Variants in ADRA1B observed in about 807,000 individuals in gnomAD.
ADRA1B encodes the protein adrenoceptor alpha 1B.
In ADRA1B, 17 loss-of-function variants were observed where a neutral mutation model predicts 17.9. The ratio of observed to expected loss-of-function variants is 0.95; its 90% CI spans 0.65 to 1.42. The LOEUF is 1.42. ADRA1B is among the 40% of genes most tolerant of loss of function. The pLI, the probability that ADRA1B is intolerant of heterozygous loss-of-function variation, is 0.00. For synonymous variants in ADRA1B, 366 were observed against 327.6 expected, an observed-to-expected ratio of 1.12 and a Z score of -1.27; for missense variants, 681 against 722.1, an observed-to-expected ratio of 0.94 and a Z score of 0.65.
rs1409546421 is a variant in ADRA1B, at chr5:159,972,057, C to CCGA, written c.1130_1131insACG (p.Arg380dup). The CCGA allele has an allele frequency of 1.4e-5, 18 of 1,324,768 alleles. No individual in the cohort carries two copies. The highest frequency in any genetic ancestry group is 1.4e-5 in the Non-Finnish European group (15 of 1,037,048). 82.1% of individuals were successfully genotyped at this position (1,324,768 alleles called of 1,614,324 possible). Reference sequence around the variant, plus strand: ...GCGGCCGCGGCCGCCGCCGACGCCGCCGCCGCCGTCGCCTGGGCGGCTGCG... The same window carrying CCGA: ...GCGGCCGCGGCCGCCGCCGACGCCGCCGACGCCGCCGTCGCCTGGGCGGCTGCG... On this transcript the variant is annotated inframe_insertion, in exon 2 of 2. Transcript: ENST00000306675.
upstream of ADRA1B, among the ~76,000 whole-genome samples, chr5:159,915,095 A>C (rs1754269063): frequency 6.6e-6 from 1 of 152,348 alleles, no homozygotes; most frequent in South Asian, 2.1e-4. Flanking sequence ...GCCCAGCACC[A>C]GTGGCTCAGG....
chr5:159,927,665 A>C (rs1754696772), intron 1 of ADRA1B, among the ~76,000 whole-genome samples: 1 of 152,180 alleles, frequency 6.6e-6, no homozygotes, highest in Non-Finnish European at 1.5e-5. Context: ...GCATAATTAT[A>C]CTTATTATAA....
Position 159,875,340 on chromosome 5 carries a change from C to T in ADRA1B, c.-256+10134C>T, listed in dbSNP as rs150564403. Among the ~76,000 whole-genome samples the T allele has an allele frequency of 9.8e-3, 1,491 of 152,152 alleles. 53 individuals carry two copies. In the South Asian group the frequency reaches 0.1, roughly 10 times the overall value. On this transcript the variant is annotated intron_variant, in intron 1 of 2. Coordinates refer to the ADRA1B transcript ENST00000641205. ...TCCTCTATTCCCCACTCCCACAAAA[C>T]TCAAGCCCACAACCGCAGCTCCTAC...
intron 1 of ADRA1B, among the ~76,000 whole-genome samples, chr5:159,899,421 T>C (rs1232669035): frequency 6.6e-6 from 1 of 152,058 alleles, no homozygotes; most frequent in East Asian, 1.9e-4. Context: ...AAGACTAACA[T>C]GATTGACAGC....
chr5:159,868,540 G>T (rs372275350), intron 1 of ADRA1B: 1 of 152,186 alleles, frequency 6.6e-6, no homozygotes, highest in East Asian at 1.9e-4. Context: ...TGATGATCTT[G>T]GCTCCTACCA....
rs1370884383 is a variant in ADRA1B at position 159,939,318 on chromosome 5, T to TGCGC, written c.949+21465_949+21466insCGCG. Among the ~76,000 whole-genome samples, 100 of 98,232 alleles carry TGCGC rather than the reference T, an allele frequency of 1.0e-3. No homozygotes were observed. The East Asian group carries it at 0.01, about 10-fold the overall frequency. The allele number at this position is 98,232 out of a possible 152,430, so 64.4% of individuals were successfully genotyped here. On this transcript the variant is annotated intron_variant, in intron 1 of 1. Coordinates refer to ENST00000306675, the MANE Select transcript of ADRA1B (RefSeq NM_000679.4). ...GTGTGTGTGTGTGTGTGTGTGTGTGTGTGTGCGCGCGCGCGCGCACACAAT... is the reference window on the plus strand; with the variant it reads ...GTGTGTGTGTGTGTGTGTGTGTGTGTGCGCGTGTGCGCGCGCGCGCGCACACAAT...
chr5:159,930,124 A>G (rs954864917), intron 1 of ADRA1B, among the ~76,000 whole-genome samples: 8 of 152,164 alleles, frequency 5.3e-5, no homozygotes, highest in Non-Finnish European at 1.2e-4. Context: ...TTACTTACCA[A>G]TTTCCCAGTT....
intron 1 of ADRA1B, among the ~76,000 whole-genome samples, chr5:159,879,956 A>G (rs1159106564): frequency 6.6e-6 from 1 of 152,156 alleles, no homozygotes; most frequent in Non-Finnish European, 1.5e-5. Context: ...AGATCGCACC[A>G]CTGCACTCCG....
chr5:159,937,230 C>T (rs60546961), intron 1 of ADRA1B, among the ~76,000 whole-genome samples: 2 of 152,226 alleles, frequency 1.3e-5, no homozygotes, highest in Admixed American at 6.5e-5. Flanking sequence ...AATCCCTGCT[C>T]GCTGGCACTT....
At chr5:159,988,447 T>C in the ADRA1B span, among the ~76,000 whole-genome samples, 5 of 152,234 alleles carry the variant, frequency 3.3e-5, no homozygotes, top group East Asian at 9.6e-4. Context: ...AGGAAGCTAA[T>C]ATGCATCTCA....
At chr5:159,878,083 G>A (rs749411592) in intron 1 of ADRA1B, among the ~76,000 whole-genome samples, 3 of 152,172 alleles carry the variant, frequency 2.0e-5, no homozygotes, top group Admixed American at 2.0e-4. Context: ...AGGGCTGAAC[G>A]AGGCCCAAGA....
intron 1 of ADRA1B, among the ~76,000 whole-genome samples, chr5:159,891,371 T>C (rs564514754): frequency 6.6e-6 from 1 of 152,134 alleles, no homozygotes; most frequent in Non-Finnish European, 1.5e-5. Context: ...CTCTTCCCCA[T>C]CTCAATTTCC....
chr5:159,951,153 T>C, intron 1 of ADRA1B: 1 of 749,354 alleles, frequency 1.3e-6, no homozygotes, highest in South Asian at 1.3e-5. Context: ...ATGACCCTTG[T>C]AGCTCCTCCC....
intron 1 of ADRA1B, among the ~76,000 whole-genome samples, chr5:159,939,318 TGTGTGCGCGC>T (rs775032308): frequency 2.0e-5 from 2 of 98,250 alleles, no homozygotes; most frequent in East Asian, 5.5e-4. Context: ...TGTGTGTGTG[TGTGTGCGCGC>T]GCGCGCGCAC....
At chr5:159,968,342 G>A (rs1314625581) in intron 1 of ADRA1B, among the ~76,000 whole-genome samples, 1 of 152,190 alleles carries the variant, frequency 6.6e-6, no homozygotes, top group Non-Finnish European at 1.5e-5. Flanking sequence ...ATGAATCTTA[G>A]CTATTAGCAT....
intron 1 of ADRA1B, among the ~76,000 whole-genome samples, chr5:159,900,049 A>C (rs1261970862): frequency 6.6e-6 from 1 of 152,216 alleles, no homozygotes; most frequent in East Asian, 1.9e-4. Flanking sequence ...TAATTCTCAT[A>C]CGTGCTGAAT....
At chr5:159,871,711 G>A (rs1456523581) in intron 1 of ADRA1B, among the ~76,000 whole-genome samples, 4 of 152,110 alleles carry the variant, frequency 2.6e-5, no homozygotes, top group Admixed American at 6.5e-5. Context: ...GTGGGGTGGG[G>A]TTAGGACTTA....
Position 159,946,621 on chromosome 5 carries a change from G to T in ADRA1B, c.950-25258G>T, listed in dbSNP as rs972683164. On this transcript the variant is annotated intron_variant, in intron 1 of 1. Transcript: ENST00000306675. The stretch of plus-strand genomic sequence containing the variant: ...CTAAACCAAAAGTTGCATGCCTTCT[G>T]CAATCAGAGATTTCTGATACCACCA... 9.2e-5 allele frequency among the ~76,000 whole-genome samples: 14 copies of T among 152,272 alleles called. No individual in the cohort carries two copies. The South Asian group carries it at 1.2e-3, about 14-fold the overall frequency.
upstream of ADRA1B, among the ~76,000 whole-genome samples, chr5:159,912,984 G>A (rs889374852): frequency 8.5e-5 from 13 of 152,158 alleles, no homozygotes; most frequent in Admixed American, 6.5e-4. Flanking sequence ...ATGCCTGGTC[G>A]AATTGAAAGC....
Sources: allele counts gnomAD v4.1 joint callset (sites outside exome capture counted in the v4.1 genomes callset), GRCh38; gene constraint gnomAD v4.1.1; transcripts MANE v1.5; gene names NCBI Gene and HGNC (gene_info 2026-07-23, HGNC 2026-07-21).